The following RAB33B variants were observed in gnomAD, a reference collection of about 807,000 sequenced individuals.
RAB33B encodes ras-related protein Rab-33B.
RAB33B carries 6 observed loss-of-function variants against 15.0 expected under a neutral mutation model. The ratio of observed to expected loss-of-function variants is 0.40; its 90% CI spans 0.22 to 0.79. The LOEUF (loss-of-function observed/expected upper bound fraction) is 0.79, where lower values mean the gene tolerates loss of function less well. Among genes scored for constraint, RAB33B ranks in the 30% least tolerant of loss-of-function variants. RAB33B has a pLI of 0.37. For synonymous variants in RAB33B, 117 were observed against 108.3 expected (o/e 1.08, Z -0.50); for missense variants, 257 against 296.4 (o/e 0.87, Z 0.98).
At chr4:139,438,540 C>G in the RAB33B span, among the ~76,000 whole-genome samples, 2 of 152,038 alleles carry the variant, frequency 1.3e-5, no homozygotes. Flanking sequence ...CCAAGGCTGC[C>G]TTATAAATTT....
chr4:139,460,353 G>A (rs1023160647), intron 1 of RAB33B, among the ~76,000 whole-genome samples: 2 of 152,168 alleles, frequency 1.3e-5, no homozygotes, highest in African/African-American at 2.4e-5. Context: ...TTGGAAGCAC[G>A]GATAGAACAA....
At chr4:139,450,161 G>A (rs973366286), upstream of RAB33B, 6 of 152,176 alleles carry the variant, frequency 3.9e-5, no homozygotes, top group African/African-American at 1.2e-4. Context: ...TGAGTACATA[G>A]TTCAAATGCC....
chr4:139,453,794 G>C (rs1044561398), upstream of RAB33B: 5 of 163,428 alleles, frequency 3.1e-5, no homozygotes, highest in Admixed American at 6.5e-5. Context: ...CCCGCCCCCG[G>C]AGTGATTGCG....
chr4:139,443,468 T>C, the RAB33B span, among the ~76,000 whole-genome samples: 1 of 152,146 alleles, frequency 6.6e-6, no homozygotes, highest in South Asian at 2.1e-4. Flanking sequence ...ACAAAGTGAA[T>C]CCAAAGGGAT....
rs77801854 is a variant in RAB33B at position 139,468,333 on chromosome 4, C to T, written c.250-4353C>T. Among the ~76,000 whole-genome samples, 3 of 152,172 alleles carry T rather than the reference C, an allele frequency of 2.0e-5. No homozygotes were observed. In the East Asian group the frequency reaches 5.8e-4, roughly 29 times the overall value. On this transcript the variant is annotated intron_variant, in intron 1 of 1. Coordinates refer to ENST00000305626, the MANE Select transcript of RAB33B (RefSeq NM_031296.3). ...CTCTCACAGGGTCCCTCCCACAACA[C>T]GTGGGAATTCAAGATGAGATTTGGG...
At chr4:139,454,058 C>G (rs942147960), upstream of RAB33B, 11 of 1,054,920 alleles carry the variant, frequency 1.0e-5, no homozygotes, top group African/African-American at 3.2e-5. Flanking sequence ...CGCAGGCGCG[C>G]TCGGGGCTGG....
At chr4:139,466,167 C>T (rs13125759) in intron 1 of RAB33B, among the ~76,000 whole-genome samples, 29,405 of 152,098 alleles carry the variant, frequency 0.19, 3,210 homozygotes, top group Non-Finnish European at 0.25. Flanking sequence ...TTATCATTAC[C>T]GCTTACATTT....
rs1488409362 is a variant in RAB33B at position 139,475,577 on chromosome 4, G to A, written c.*2451G>A. On this transcript the variant is annotated 3_prime_UTR_variant, in exon 2 of 2. Transcript: ENST00000305626. ...AATATTTATAAAACATTTCACTGTT[G>A]CAAAATCACTTCCAAAATGATAGCT... 2 of 151,804 alleles carry A rather than the reference G, an allele frequency of 1.3e-5. No individual in the cohort carries two copies. Among genetic ancestry groups the A allele is most frequent in the Non-Finnish European group, 2.9e-5 (2 of 67,900 alleles). The allele number at this position is 151,804 out of a possible 1,614,324, so 9.4% of individuals were successfully genotyped here.
chr4:139,443,961 T>C, the RAB33B span, among the ~76,000 whole-genome samples: 4 of 152,180 alleles, frequency 2.6e-5, no homozygotes, highest in Non-Finnish European at 5.9e-5. Flanking sequence ...TCTGGATCTA[T>C]AACAAGACTA....
At chr4:139,467,308 CTT>C (rs70943422) in intron 1 of RAB33B, among the ~76,000 whole-genome samples, 977 of 17,344 alleles carry the variant, frequency 0.056, 3 homozygotes, top group Middle Eastern at 0.17. Context: ...CCCCCCGCCG[CTT>C]TTTTTTTTTT....
intron 1 of RAB33B, 151 bp downstream of exon 1, chr4:139,454,595 A>C: frequency 4.6e-6 from 4 of 873,116 alleles, no homozygotes; most frequent in Non-Finnish European, 5.1e-6. Flanking sequence ...GGATTGCAAT[A>C]CTGCAAACTT....
chr4:139,461,218 A>G (rs1561004124), intron 1 of RAB33B, among the ~76,000 whole-genome samples: 1 of 152,178 alleles, frequency 6.6e-6, no homozygotes, highest in Non-Finnish European at 1.5e-5. Flanking sequence ...CTGATTGGTC[A>G]GACGTAGGTC....
At chr4:139,457,642 A>C (rs1465002537) in intron 1 of RAB33B, among the ~76,000 whole-genome samples, 2 of 152,232 alleles carry the variant, frequency 1.3e-5, no homozygotes, top group African/African-American at 4.8e-5. Context: ...TGGAAAGAAG[A>C]CATTTTGATA....
At chr4:139,449,604 A>C (rs1039542721), upstream of RAB33B, 20 of 152,172 alleles carry the variant, frequency 1.3e-4, no homozygotes, top group African/African-American at 4.6e-4. Flanking sequence ...CCCAGCCTAC[A>C]GCTTTCTCCC....
At chr4:139,463,127 C>T (rs1007650428) in intron 1 of RAB33B, among the ~76,000 whole-genome samples, 6 of 152,174 alleles carry the variant, frequency 3.9e-5, no homozygotes, top group Admixed American at 3.9e-4. Context: ...GATTGTGCCA[C>T]TGTACCCCAA....
intron 1 of RAB33B, among the ~76,000 whole-genome samples, chr4:139,464,605 T>C (rs1444807085): frequency 6.6e-6 from 1 of 152,134 alleles, no homozygotes; most frequent in Non-Finnish European, 1.5e-5. Context: ...GTTCTCATTG[T>C]TCAATTCCCA....
chr4:139,472,908 G>T lies in RAB33B; in HGVS notation c.472G>T (p.Val158Leu), dbSNP rs1431359197. 4.3e-6 allele frequency: 7 copies of T among 1,614,120 alleles called. No individual in the cohort carries two copies. Among genetic ancestry groups the T allele is most frequent in the Non-Finnish European group, 5.9e-6 (7 of 1,180,022 alleles). Residue 158 changes from valine (V) to leucine (L), a missense_variant, in exon 2 of 2, where the codon GTA (valine) becomes TTA (leucine). Physicochemically the swap from Val to Leu is conservative, Grantham distance 32. Transcript: ENST00000305626. The stretch of plus-strand genomic sequence containing the variant: ...ATGTGACTTGAGAAGTGCCATACAG[G>T]TACCCACAGACTTGGCACAAAAATT... ...NKCDLRSAIQ[V>L]PTDLAQKFAD...
At chr4:139,464,838 G>T (rs1245389976) in intron 1 of RAB33B, among the ~76,000 whole-genome samples, 3 of 152,188 alleles carry the variant, frequency 2.0e-5, no homozygotes, top group African/African-American at 4.8e-5. Flanking sequence ...GAATAGTGCT[G>T]TAATAAACAT....
At chr4:139,444,887 C>G in the RAB33B span, among the ~76,000 whole-genome samples, 1 of 152,192 alleles carries the variant, frequency 6.6e-6, no homozygotes, top group Non-Finnish European at 1.5e-5. Context: ...TTAGAGCTGC[C>G]TCTACCTAGA....
Sources: gnomAD v4.1 joint callset for allele counts (sites outside exome capture counted in the v4.1 genomes callset) on GRCh38, gnomAD v4.1.1 for gene constraint, MANE v1.5 for transcripts, NCBI Gene and HGNC (gene_info 2026-07-23, HGNC 2026-07-21) for gene names.